Variants in DIAPH3 observed in about 807,000 individuals in gnomAD.
DIAPH3 encodes the protein protein diaphanous homolog 3.
Under a neutral mutation model 144.3 loss-of-function variants are expected in DIAPH3, and 117 were observed. That is an observed-to-expected ratio of 0.81 (90% CI 0.70 to 0.95). The LOEUF (loss-of-function observed/expected upper bound fraction) is 0.95. Ranked by LOEUF, DIAPH3 falls within the 40% of genes least tolerant of loss-of-function variation. The pLI is 0.00. For missense variants in DIAPH3, 1,421 were observed against 1,412.7 expected (o/e 1.01, Z -0.09); for synonymous variants, 519 against 488.9 (o/e 1.06, Z -0.81).
At chr13:60,029,080 T>G (rs2054597166) in intron 5 of DIAPH3, among the ~76,000 whole-genome samples, 1 of 151,950 alleles carries the variant, frequency 6.6e-6, no homozygotes, top group Admixed American at 6.6e-5. Context: ...GGGGATTTTT[T>G]TTCTTCTCCA....
At chr13:59,695,831 G>A (rs342570) in intron 27 of DIAPH3, among the ~76,000 whole-genome samples, 99,579 of 151,394 alleles carry the variant, frequency 0.66, 32,969 homozygotes, top group East Asian at 0.71. Context: ...GACAATTTAA[G>A]CTGAGTCAAC....
intron 12 of DIAPH3, among the ~76,000 whole-genome samples, chr13:59,990,508 T>C (rs913647413): frequency 4.0e-5 from 6 of 151,892 alleles, no homozygotes; most frequent in Admixed American, 1.3e-4. Context: ...AAAGTAGATA[T>C]AGAGAACATT....
chr13:60,125,460 C>T (rs1331747027), intron 2 of DIAPH3, among the ~76,000 whole-genome samples: 1 of 138,400 alleles, frequency 7.2e-6, no homozygotes, highest in Non-Finnish European at 1.5e-5. Context: ...AGGCTAATCT[C>T]GAAGTTCTGG....
At chr13:59,688,104 G>A (rs1356244062) in intron 27 of DIAPH3, among the ~76,000 whole-genome samples, 2 of 151,946 alleles carry the variant, frequency 1.3e-5, no homozygotes, top group Non-Finnish European at 1.5e-5. Context: ...CATAACATGA[G>A]AGATTAAAAG....
intron 20 of DIAPH3, among the ~76,000 whole-genome samples, chr13:59,908,671 GA>G (rs760611167): frequency 6.6e-6 from 1 of 151,976 alleles, no homozygotes; most frequent in Admixed American, 6.6e-5. Flanking sequence ...CAACCTTTCA[GA>G]AAAAATTGTA....
chr13:59,670,805 G>A (rs529316273), intron 27 of DIAPH3, among the ~76,000 whole-genome samples: 4 of 151,974 alleles, frequency 2.6e-5, no homozygotes, highest in East Asian at 1.9e-4. Context: ...GGATGGTCTC[G>A]ATCTCCTGAC....
chr13:59,749,879 G>C (rs1793280287), intron 27 of DIAPH3, among the ~76,000 whole-genome samples: 1 of 152,242 alleles, frequency 6.6e-6, no homozygotes. Flanking sequence ...ACCATCATCA[G>C]AAACTAATTT....
At chr13:59,892,296 T>C (rs1057122252) in intron 20 of DIAPH3, among the ~76,000 whole-genome samples, 4 of 151,862 alleles carry the variant, frequency 2.6e-5, no homozygotes, top group Non-Finnish European at 5.9e-5. Flanking sequence ...CAAGAAAATG[T>C]ATATAGCTCA....
chr13:59,711,273 C>A (rs2034721820), intron 27 of DIAPH3, among the ~76,000 whole-genome samples: 1 of 152,156 alleles, frequency 6.6e-6, no homozygotes. Context: ...CTGGACAGTC[C>A]TTGAAGCTTG....
intron 4 of DIAPH3, among the ~76,000 whole-genome samples, chr13:60,061,306 T>C (rs953241013): frequency 2.6e-5 from 4 of 151,958 alleles, no homozygotes; most frequent in African/African-American, 9.7e-5. Flanking sequence ...GAAAGTGAAA[T>C]GTGCCTACCT....
At chr13:59,806,765 T>A (rs1408694422) in intron 25 of DIAPH3, among the ~76,000 whole-genome samples, 1 of 151,966 alleles carries the variant, frequency 6.6e-6, no homozygotes, top group Non-Finnish European at 1.5e-5. Context: ...GTGGCCTTGC[T>A]ATATTTCGTT....
chr13:60,007,437 CA>C (rs1277688749), intron 9 of DIAPH3, among the ~76,000 whole-genome samples: 1 of 150,972 alleles, frequency 6.6e-6, no homozygotes, highest in Non-Finnish European at 1.5e-5. Context: ...CCTAATATAC[CA>C]AGAAACAATA....
intron 4 of DIAPH3, among the ~76,000 whole-genome samples, chr13:60,084,007 C>CAGATAGATAGATAGATAGAT (rs71089524): frequency 7.3e-6 from 1 of 136,460 alleles, no homozygotes; most frequent in Admixed American, 7.5e-5. Flanking sequence ...GATAGATAGA[C>CAGATAGATAGATAGATAGAT]AGATAGATAG....
In DIAPH3 at chr13:59,833,255, G is replaced by C. The variant is rs1431277529; in HGVS notation, c.2879C>G (p.Ala960Gly). Residue 960 changes from alanine (A) to glycine (G), a missense_variant, in exon 24 of 28, where the codon GCA becomes GGA. Ala to Gly is a moderately conservative substitution (Grantham distance 60). Transcript: ENST00000400324. ...VTKMSRFVIS[A>G]KEQYETLSKL... The stretch of plus-strand genomic sequence containing the variant: ...CGAAAGTGTCTCATATTGTTCTTTT[G>C]CACTGATAACAAATCTGTATACTAT... 6.2e-7 allele frequency: 1 copy of C among 1,607,696 alleles called. No individual in the cohort carries two copies. The highest frequency in any genetic ancestry group is 8.5e-7 in the Non-Finnish European group (1 of 1,176,260).
At position 60,056,239 on chromosome 13, in the gene DIAPH3, CTATAA is replaced by C. The variant is rs1175331945; in HGVS notation, c.496-13424_496-13420del. On this transcript the variant is annotated intron_variant, in intron 4 of 27. Coordinates refer to ENST00000400324, the MANE Select transcript of DIAPH3 (RefSeq NM_001042517.2). ...TATTTTATATGTTATATATAATCTGCTATAATATATTATCTAGCTATATATATAGA... is the reference window on the plus strand; with the variant it reads ...TATTTTATATGTTATATATAATCTGCTATATTATCTAGCTATATATATAGA... Among the ~76,000 whole-genome samples the C allele has an allele frequency of 4.0e-5, 6 of 149,464 alleles. No individual in the cohort carries two copies. In the South Asian group the frequency reaches 6.3e-4, roughly 16 times the overall value.
At chr13:59,825,574 T>C (rs1012775960) in intron 24 of DIAPH3, among the ~76,000 whole-genome samples, 1 of 152,168 alleles carries the variant, frequency 6.6e-6, no homozygotes, top group African/African-American at 2.4e-5. Flanking sequence ...CTGGGTCAAA[T>C]GGTATTTCTA....
chr13:59,953,508 C>A (rs1342425224), intron 17 of DIAPH3, among the ~76,000 whole-genome samples: 3 of 152,096 alleles, frequency 2.0e-5, no homozygotes, highest in Admixed American at 6.6e-5. Flanking sequence ...TCAGCCACAG[C>A]TCCCAGAAGG....
chr13:59,963,306 C>A (rs73212278), intron 17 of DIAPH3, among the ~76,000 whole-genome samples: 10,653 of 152,094 alleles, frequency 0.07, 416 homozygotes, highest in Admixed American at 0.11. Flanking sequence ...TGCATAATCA[C>A]CTAAAAATCT....
intron 21 of DIAPH3, among the ~76,000 whole-genome samples, chr13:59,862,231 T>A (rs66883693): frequency 0.083 from 12,678 of 152,158 alleles, 598 homozygotes; most frequent in East Asian, 0.14. Context: ...AGGGAAGGCA[T>A]GTAGGGACAT....
Sources: allele counts gnomAD v4.1 joint callset (sites outside exome capture counted in the v4.1 genomes callset), GRCh38; gene constraint gnomAD v4.1.1; transcripts MANE v1.5; gene names NCBI Gene and HGNC (gene_info 2026-07-23, HGNC 2026-07-21).